Variants in PLIN2 observed in about 807,000 individuals in gnomAD.
PLIN2 encodes the protein perilipin 2, also known as perilipin-2.
Under a neutral mutation model 30.6 loss-of-function variants are expected in PLIN2, and 33 were observed. The observed-to-expected ratio is 1.08, with a 90% CI of 0.82 to 1.44. The LOEUF (loss-of-function observed/expected upper bound fraction) is 1.44. PLIN2 is among the 40% of genes most tolerant of loss of function. The probability of loss-of-function intolerance (pLI) is 0.00; values close to 1 mark genes in which losing one functional copy is unlikely to be tolerated. For missense variants in PLIN2, 610 were observed against 531.8 expected, an observed-to-expected ratio of 1.15 and a Z score of -1.45; for synonymous variants, 205 against 201.1, an observed-to-expected ratio of 1.02 and a Z score of -0.16.
At chr9:19,119,278 A>G (rs1483174052) in intron 6 of PLIN2, among the ~76,000 whole-genome samples, 1 of 152,234 alleles carries the variant, frequency 6.6e-6, no homozygotes, top group Non-Finnish European at 1.5e-5. Context: ...TGTAAGATAA[A>G]AAGTAAAACA....
chr9:19,119,749 C>G lies in PLIN2; in HGVS notation c.678G>C (p.Lys226Asn), dbSNP rs761054696. Residue 226 changes from lysine (K) to asparagine (N), a missense_variant, in exon 6 of 8, where the codon AAG becomes AAC. By Grantham distance (94) the Lys-to-Asn change is moderately conservative. Transcript: ENST00000276914. ...CCTGCTGGTAGGCACGGGAGTGAAG[C>G]TTGGTAGACAGGGATCCCAGTCTAA... ...YYVRLGSLST[K>N]LHSRAYQQAL... The G allele has an allele frequency of 3.1e-6, 5 of 1,612,062 alleles. No individual in the cohort carries two copies. The highest frequency in any genetic ancestry group is 4.2e-6 in the Non-Finnish European group (5 of 1,178,408).
In PLIN2 at chr9:19,121,134, C is replaced by A. The variant is rs772084870; in HGVS notation, c.341G>T (p.Gly114Val). The change falls in exon 5 of 8, where the codon GGG (glycine) becomes GTG (valine). Residue 114 changes from glycine to valine, a missense_variant. Coordinates refer to ENST00000276914, the MANE Select transcript of PLIN2 (RefSeq NM_001122.4). ...IVANAKGAVT[G>V]AKDAVTTTVT... is the part of the protein sequence containing the mutation. ...AGTAGTCGTCACAGCATCTTTTGCC[C>A]CAGTCACAGCGCCTTTGGCATTGGC... The A allele has an allele frequency of 9.3e-6, 15 of 1,614,022 alleles. No homozygotes were observed. Among genetic ancestry groups the A allele is most frequent in the Admixed American group, 3.3e-5 (2 of 59,992 alleles).
At chr9:19,115,468 C>T (rs530496766), downstream of PLIN2, among the ~76,000 whole-genome samples, 14 of 152,068 alleles carry the variant, frequency 9.2e-5, no homozygotes, top group African/African-American at 3.1e-4. Context: ...CCACCGTGCC[C>T]GGCTAATTTT....
At chr9:19,116,738 C>T (rs1290729992) in intron 7 of PLIN2, 89 bp from the exon 8 acceptor site, 2 of 1,059,170 alleles carry the variant, frequency 1.9e-6, no homozygotes, top group African/African-American at 1.6e-5. Context: ...GTGTCCACCA[C>T]ATATGTGGAT....
At position 19,120,899 on chromosome 9, in the gene PLIN2, A is replaced by C. The variant is rs774289944; in HGVS notation, c.576T>G (p.Pro192=). 3 of 1,613,794 alleles carry C rather than the reference A, an allele frequency of 1.9e-6. No individual in the cohort carries two copies. The highest frequency in any genetic ancestry group is 3.3e-4 in the Middle Eastern group (2 of 6,062). Residue 192 remains proline (P), a synonymous_variant, in exon 5 of 8, where the codon CCT becomes CCG. Transcript: ENST00000276914. ...AGTTACCTAGTTCTTCCTCAGTGAG[A>C]GGGAGGTACTGTTCTACCAACAGCT... is the stretch of plus-strand genomic sequence containing the variant. ...KSELLVEQYL[P]LTEEELEKEA...
At chr9:19,113,775 T>G (rs1206597606), downstream of PLIN2, among the ~76,000 whole-genome samples, 2 of 120,058 alleles carry the variant, frequency 1.7e-5, no homozygotes, top group Admixed American at 7.9e-5. Context: ...TTATTTTTGG[T>G]TTTTTTTTTT....
intron 4 of PLIN2, 63 bp from the exon 5 acceptor site, chr9:19,121,228 G>A (rs1485170772): frequency 6.9e-7 from 1 of 1,439,784 alleles, no homozygotes; most frequent in Non-Finnish European, 9.7e-7. Flanking sequence ...CATACCTAAG[G>A]TCTTAACTAA....
rs1323994934 is a variant in PLIN2 at position 19,116,306 on chromosome 9, C to T, written c.1256G>A (p.Gly419Asp). Reference sequence around the variant, plus strand: ...CTGGCTGCTCTTGTCCATCTCTGCACCTTGGTCCTGAGCATTCTGAGACTC... The same window carrying T: ...CTGGCTGCTCTTGTCCATCTCTGCATCTTGGTCCTGAGCATTCTGAGACTC... ...LTESQNAQDQGAEMDKSSQET... is the reference protein window; with the variant it reads ...LTESQNAQDQDAEMDKSSQET... Residue 419 changes from glycine to aspartate, a missense_variant, in exon 8 of 8, where the codon GGT becomes GAT. Transcript: ENST00000276914. The T allele has an allele frequency of 6.2e-7, 1 of 1,613,572 alleles. No homozygotes were observed. Among genetic ancestry groups the T allele is most frequent in the Admixed American group, 1.7e-5 (1 of 59,984 alleles).
rs996490929 is a variant in PLIN2, at chr9:19,127,375, G to A, written c.-23+44C>T. 1.3e-5 allele frequency: 2 copies of A among 152,334 alleles called. No individual in the cohort carries two copies. Among genetic ancestry groups the A allele is most frequent in the African/African-American group, 2.4e-5 (1 of 41,454 alleles). 9.4% of individuals were successfully genotyped at this position (152,334 alleles called of 1,614,324 possible). ...CCACCCCAACTGGGCGCCGCTGGGG[G>A]CCCGGGACCGGTTCGCTGGGGCACC... On this transcript the variant is annotated intron_variant, in intron 1 of 7. Coordinates refer to ENST00000276914, the MANE Select transcript of PLIN2 (RefSeq NM_001122.4). This position sits in a 1 kb window ranked among gnomAD's most constrained non-coding sequence, Gnocchi z 4.3.
downstream of PLIN2, among the ~76,000 whole-genome samples, chr9:19,114,833 G>A (rs1329645257): frequency 1.3e-5 from 2 of 152,182 alleles, no homozygotes; most frequent in Non-Finnish European, 2.9e-5. Flanking sequence ...CCATAGGCAG[G>A]AGGTAAGAAG....
chr9:19,115,907 C>A lies in PLIN2; in HGVS notation c.*341G>T. 5.3e-6 allele frequency: 1 copy of A among 189,648 alleles called. No homozygotes were observed. The highest frequency in any genetic ancestry group is 1.1e-5 in the Non-Finnish European group (1 of 91,956). The allele number at this position is 189,648 out of a possible 1,614,324, so 11.7% of individuals were successfully genotyped here. ...TTTCAGATCACACCAGAGCAGACAC[C>A]AGTTTCTACCCCAGCCCACATGAAG... On this transcript the variant is annotated 3_prime_UTR_variant, in exon 8 of 8. Coordinates refer to ENST00000276914, the MANE Select transcript of PLIN2 (RefSeq NM_001122.4).
At chr9:19,126,530 A>G in intron 1 of PLIN2, 82 bp from the exon 2 acceptor site, 1 of 898,042 alleles carries the variant, frequency 1.1e-6, no homozygotes. Context: ...TGCTGATTAC[A>G]AGTAGAGAAA....
At chr9:19,110,663 A>C (rs1818149098) in intron 2 of PLIN2, among the ~76,000 whole-genome samples, 1 of 151,882 alleles carries the variant, frequency 6.6e-6, no homozygotes, top group Non-Finnish European at 1.5e-5. Flanking sequence ...TTTAGTAGAG[A>C]TGGGATTTCA....
chr9:19,126,275 AC>A lies in PLIN2; in HGVS notation c.64del (p.Val22Ter), dbSNP rs1277740219. ...VVTRVVNLPL[V>X]SSTYDLMSSA... Reference sequence around the variant, plus strand: ...GGACATGAGGTCATACGTGGAGCTCACCAAGGGCAGGTTGACCACCCGAGTC... The same window carrying A: ...GGACATGAGGTCATACGTGGAGCTCACAAGGGCAGGTTGACCACCCGAGTC... On this transcript the variant is annotated frameshift_variant, in exon 3 of 8. Coordinates refer to ENST00000276914, the MANE Select transcript of PLIN2 (RefSeq NM_001122.4). LOFTEE classifies it high-confidence loss of function. 6.2e-7 allele frequency: 1 copy of A among 1,614,068 alleles called. No individual in the cohort carries two copies. The highest frequency in any genetic ancestry group is 1.3e-5 in the African/African-American group (1 of 75,036).
chr9:19,118,377 C>T lies in PLIN2; in HGVS notation c.856G>A (p.Val286Ile), dbSNP rs140800385. 96 of 1,613,134 alleles carry T rather than the reference C, an allele frequency of 6.0e-5. No homozygotes were observed. The African/African-American group carries it at 1.1e-3, about 18-fold the overall frequency. Reference protein sequence around the residue: ...DAQDKLYLSWVEWKRSIGYDD... With the variant: ...DAQDKLYLSWIEWKRSIGYDD... ...TATCCAATGCTCCTTTTCCACTCTA[C>T]CCATGAGAGGTAGAGCTTATCCTGA... The change falls in exon 7 of 8, where the codon GTA (valine) becomes ATA (isoleucine). Residue 286 changes from valine (V) to isoleucine (I), a missense_variant. By Grantham distance (29) the Val-to-Ile change is conservative (BLOSUM62 3). Coordinates refer to ENST00000276914, the MANE Select transcript of PLIN2 (RefSeq NM_001122.4).
intron 4 of PLIN2, among the ~76,000 whole-genome samples, chr9:19,121,509 G>A (rs1333830383): frequency 1.0e-4 from 14 of 138,052 alleles, no homozygotes; most frequent in Admixed American, 2.9e-4. Flanking sequence ...AAAAAAAAAA[G>A]AGAAGAGAAA....
chr9:19,122,108 CAAAAAAAAAAAAA>C lies in PLIN2; in HGVS notation c.310-956_310-944del, dbSNP rs59357707. On this transcript the variant is annotated intron_variant, in intron 4 of 7. Transcript: ENST00000276914. ...TGGGTGACAGAGCAAGACTCTGTCT[CAAAAAAAAAAAAA>C]AAAAAAAAAAAAAGAACACAAGTTA... is the stretch of plus-strand genomic sequence containing the variant. Among the ~76,000 whole-genome samples the C allele has an allele frequency of 1.7e-4, 11 of 63,352 alleles. 1 individual carries two copies. In the South Asian group the frequency reaches 3.0e-3, roughly 17 times the overall value. 41.6% of individuals were successfully genotyped at this position (63,352 alleles called of 152,430 possible).
At chr9:19,126,903 G>C (rs1818410199) in intron 1 of PLIN2, among the ~76,000 whole-genome samples, 1 of 152,056 alleles carries the variant, frequency 6.6e-6, no homozygotes, top group Non-Finnish European at 1.5e-5. Context: ...TTAGCCGGGC[G>C]TGGTGGCGGG....
chr9:19,119,542 T>C lies in PLIN2; in HGVS notation c.777+108A>G, dbSNP rs1588644393. The C allele has an allele frequency of 2.2e-5, 15 of 669,624 alleles. No individual in the cohort carries two copies. The East Asian group carries it at 3.9e-4, about 17-fold the overall frequency. 41.5% of individuals were successfully genotyped at this position (669,624 alleles called of 1,614,324 possible). On this transcript the variant is annotated intron_variant, in intron 6 of 7. Transcript: ENST00000276914. Reference sequence around the variant, plus strand: ...TTCTTTGTCCAGTTTTCTATTGGGTTGTTTGTCAACTAAGAATGAAATTCT... The same window carrying C: ...TTCTTTGTCCAGTTTTCTATTGGGTCGTTTGTCAACTAAGAATGAAATTCT...
Sources: allele counts gnomAD v4.1 joint callset (sites outside exome capture counted in the v4.1 genomes callset), GRCh38; gene constraint gnomAD v4.1.1; non-coding constraint Gnocchi (gnomAD v3.1); transcripts MANE v1.5; gene names NCBI Gene and HGNC (gene_info 2026-07-23, HGNC 2026-07-21).